Variants in ONECUT2 observed in about 807,000 individuals in gnomAD.
ONECUT2 encodes one cut homeobox 2.
Under a neutral mutation model 27.9 loss-of-function variants are expected in ONECUT2, and 10 were observed. The observed-to-expected ratio is 0.36, with a 90% CI of 0.22 to 0.61. The LOEUF is 0.61. Ranked by LOEUF, ONECUT2 falls within the 20% of genes least tolerant of loss-of-function variation. The pLI, the probability that ONECUT2 is intolerant of heterozygous loss-of-function variation, is 0.73. For missense variants in ONECUT2, 686 were observed against 721.0 expected, an observed-to-expected ratio of 0.95 and a Z score of 0.56; for synonymous variants, 334 against 315.1, an observed-to-expected ratio of 1.06 and a Z score of -0.64.
intron 1 of ONECUT2, among the ~76,000 whole-genome samples, chr18:57,444,991 A>AG (rs1265321005): frequency 2.0e-5 from 3 of 152,342 alleles, no homozygotes; most frequent in South Asian, 2.1e-4. Flanking sequence ...AATGACATGC[A>AG]GGGATAAAGA....
chr18:57,467,354 TTGTTTG>T, intron 1 of ONECUT2: 6 of 83,168 alleles, frequency 7.2e-5, no homozygotes, highest in Non-Finnish European at 1.5e-4. Flanking sequence ...GGTTTTTTTT[TTGTTTG>T]TTTGTTTGTT....
At chr18:57,457,945 G>A (rs1470836065) in intron 1 of ONECUT2, among the ~76,000 whole-genome samples, 2 of 152,124 alleles carry the variant, frequency 1.3e-5, no homozygotes, top group Non-Finnish European at 2.9e-5. Flanking sequence ...ACACAGGGCG[G>A]GGAACATCAC....
intron 1 of ONECUT2, among the ~76,000 whole-genome samples, chr18:57,468,724 A>G (rs1205959687): frequency 6.6e-6 from 1 of 152,124 alleles, no homozygotes; most frequent in Admixed American, 6.5e-5. Flanking sequence ...GCTGGCACCT[A>G]ATTATTTGCT....
At chr18:57,440,273 G>T (rs1005276827) in intron 1 of ONECUT2, among the ~76,000 whole-genome samples, 11 of 152,162 alleles carry the variant, frequency 7.2e-5, no homozygotes, top group Non-Finnish European at 1.6e-4. Flanking sequence ...ACACTCTCGG[G>T]CGTTGGGCCC....
At position 57,435,868 on chromosome 18, in the gene ONECUT2, G is replaced by A; in HGVS notation, c.152G>A (p.Gly51Asp). Residue 51 changes from glycine (G) to aspartate (D), a missense_variant, in exon 1 of 2, where the codon GGC becomes GAC. Physicochemically the swap from Gly to Asp is moderately conservative, Grantham distance 94. This residue lies in a region of ONECUT2 where 511 missense variants were observed against 488.1 expected (regional missense o/e 1.05). Transcript: ENST00000491143. The part of the protein sequence containing the change: ...GGGGGGGGGG[G>D]GGGPGHEQEL... ...GGCGGCGGCGGGGGCGGCGGGGGCG[G>A]CGGCGGGGGCCCGGGCCATGAGCAG... 1 of 1,013,764 alleles carries A rather than the reference G, an allele frequency of 9.9e-7. No homozygotes were observed. Among genetic ancestry groups the A allele is most frequent in the Non-Finnish European group, 1.2e-6 (1 of 848,784 alleles). The allele number at this position is 1,013,764 out of a possible 1,614,324, so 62.8% of individuals were successfully genotyped here.
In ONECUT2 at chr18:57,491,160, C is replaced by T. The variant is rs866949274; in HGVS notation, c.*14437C>T. The T allele has an allele frequency of 3.5e-4, 53 of 152,782 alleles. 1 individual carries two copies. In the East Asian group the frequency reaches 5.6e-3, roughly 16 times the overall value. The allele number at this position is 152,782 out of a possible 1,614,324, so 9.5% of individuals were successfully genotyped here. ...TTTCTTTGAATGTTAATTGCATTTT[C>T]AGTTTTGCTCATTTCCCACCCCAAT... On this transcript the variant is annotated 3_prime_UTR_variant, in exon 2 of 2. Transcript: ENST00000491143.
chr18:57,436,165 C>G lies in ONECUT2; in HGVS notation c.449C>G (p.Thr150Arg). Residue 150 changes from threonine (T) to arginine (R), a missense_variant, in exon 1 of 2, where the codon ACG (threonine) becomes AGG (arginine). This residue lies in a region of ONECUT2 where 511 missense variants were observed against 488.1 expected (regional missense o/e 1.05). Transcript: ENST00000491143. The surrounding 1 kb of genome is among the most constrained non-coding windows in gnomAD (Gnocchi z 5.9). Reference protein sequence around the residue: ...PGMGMSNTYTTLTPLQPLPPI... With the variant: ...PGMGMSNTYTRLTPLQPLPPI... ...ATGGGCATGAGCAACACCTACACCA[C>G]GCTGACACCGCTCCAGCCGCTGCCA... 6.2e-7 allele frequency: 1 copy of G among 1,606,204 alleles called. No homozygotes were observed. Among genetic ancestry groups the G allele is most frequent in the Non-Finnish European group, 8.5e-7 (1 of 1,179,686 alleles).
chr18:57,487,538 TG>T lies in ONECUT2; in HGVS notation c.*10817del, dbSNP rs2050444627. 1 of 152,078 alleles carries T rather than the reference TG, an allele frequency of 6.6e-6. No individual in the cohort carries two copies. The highest frequency in any genetic ancestry group is 2.4e-5 in the African/African-American group (1 of 41,410). 9.4% of individuals were successfully genotyped at this position (152,078 alleles called of 1,614,324 possible). On this transcript the variant is annotated 3_prime_UTR_variant, in exon 2 of 2. Transcript: ENST00000491143. The stretch of plus-strand genomic sequence containing the variant: ...GGTCAGCTCCCAGTAGAAACTCAAA[TG>T]GCATCAATATTACTAACTCTTCTCT...
At chr18:57,443,511 G>A (rs1182819209) in intron 1 of ONECUT2, among the ~76,000 whole-genome samples, 2 of 152,142 alleles carry the variant, frequency 1.3e-5, no homozygotes, top group Non-Finnish European at 2.9e-5. Flanking sequence ...TCACCCTGTG[G>A]GGCCCTATCA....
chr18:57,444,642 G>C (rs1214105437), intron 1 of ONECUT2, among the ~76,000 whole-genome samples: 3 of 152,244 alleles, frequency 2.0e-5, no homozygotes, highest in Non-Finnish European at 4.4e-5. Context: ...ATTTGCATTT[G>C]TCAGAGAGTA....
chr18:57,469,134 C>T (rs1324863066), intron 1 of ONECUT2, among the ~76,000 whole-genome samples: 1 of 152,224 alleles, frequency 6.6e-6, no homozygotes, highest in Non-Finnish European at 1.5e-5. Context: ...GTTAATCTTT[C>T]CAACAGAACT....
intron 1 of ONECUT2, among the ~76,000 whole-genome samples, chr18:57,439,751 G>A (rs1421853171): frequency 1.3e-5 from 2 of 152,178 alleles, no homozygotes; most frequent in Admixed American, 6.5e-5. Flanking sequence ...AGGCGGCTCG[G>A]CCGGACTCTC....
intron 1 of ONECUT2, among the ~76,000 whole-genome samples, chr18:57,474,461 G>A (rs2050370765): frequency 6.6e-6 from 1 of 152,170 alleles, no homozygotes; most frequent in Admixed American, 6.5e-5. Flanking sequence ...CTGGAGGCTG[G>A]GAAGTCTAAG....
Position 57,483,717 on chromosome 18 carries a change from A to C in ONECUT2, c.*6994A>C, listed in dbSNP as rs1197331621. 1 of 152,634 alleles carries C rather than the reference A, an allele frequency of 6.6e-6. No homozygotes were observed. The highest frequency in any genetic ancestry group is 1.5e-5 in the Non-Finnish European group (1 of 68,032). 9.5% of individuals were successfully genotyped at this position (152,634 alleles called of 1,614,324 possible). ...ACAGGTTACAAAAAGAGAATTTGGG[A>C]TATTCTTCCCTCTTAAATTAACTTT... On this transcript the variant is annotated 3_prime_UTR_variant, in exon 2 of 2. Coordinates refer to ENST00000491143, the MANE Select transcript of ONECUT2 (RefSeq NM_004852.3).
At position 57,476,936 on chromosome 18, in the gene ONECUT2, C is replaced by A; in HGVS notation, c.*213C>A. On this transcript the variant is annotated 3_prime_UTR_variant, in exon 2 of 2. Transcript: ENST00000491143. ...AATGGCTATGGAGTCCAAGTGCAAGCTGAAAAATTAATCTCTTAGAACCAG... is the reference window on the plus strand; with the variant it reads ...AATGGCTATGGAGTCCAAGTGCAAGATGAAAAATTAATCTCTTAGAACCAG... 1 of 605,288 alleles carries A rather than the reference C, an allele frequency of 1.7e-6. No homozygotes were observed. The highest frequency in any genetic ancestry group is 2.9e-6 in the Non-Finnish European group (1 of 350,210). 37.5% of individuals were successfully genotyped at this position (605,288 alleles called of 1,614,324 possible).
At position 57,483,909 on chromosome 18, in the gene ONECUT2, TATTTTTA is replaced by T. The variant is rs2050427342; in HGVS notation, c.*7191_*7197del. ...TGTGAAAGGTGCACTGTATAGTTTA[TATTTTTA>T]ATTTAAAACAACAGAGAGCACTGCA... On this transcript the variant is annotated 3_prime_UTR_variant, in exon 2 of 2. Transcript: ENST00000491143. The T allele has an allele frequency of 6.6e-6, 1 of 152,644 alleles. No homozygotes were observed. The highest frequency in any genetic ancestry group is 1.5e-5 in the Non-Finnish European group (1 of 68,028). 9.5% of individuals were successfully genotyped at this position (152,644 alleles called of 1,614,324 possible). A position where few individuals can be genotyped will look rare whatever the true frequency, so the allele number is the denominator to read the frequency against.
Position 57,477,462 on chromosome 18 carries a change from C to A in ONECUT2, c.*739C>A, listed in dbSNP as rs1445297340. Reference sequence around the variant, plus strand: ...TATGGTCTTGGATCCGTCAAAAAAACCAGTCAGTTCACTTGCGCTCAAAGT... The same window carrying A: ...TATGGTCTTGGATCCGTCAAAAAAAACAGTCAGTTCACTTGCGCTCAAAGT... On this transcript the variant is annotated 3_prime_UTR_variant, in exon 2 of 2. Transcript: ENST00000491143. 1 of 152,452 alleles carries A rather than the reference C, an allele frequency of 6.6e-6. No individual in the cohort carries two copies. The highest frequency in any genetic ancestry group is 1.9e-4 in the East Asian group (1 of 5,190). The allele number at this position is 152,452 out of a possible 1,614,324, so 9.4% of individuals were successfully genotyped here. A position where few individuals can be genotyped will look rare whatever the true frequency, so the allele number is the denominator to read the frequency against.
chr18:57,442,249 T>C (rs1437960385), intron 1 of ONECUT2, among the ~76,000 whole-genome samples: 1 of 151,494 alleles, frequency 6.6e-6, no homozygotes, highest in African/African-American at 2.4e-5. Context: ...TCTGGGTTTT[T>C]TTTTTTTTTT....
In ONECUT2 at chr18:57,483,357, T is replaced by A. The variant is rs1260410614; in HGVS notation, c.*6634T>A. On this transcript the variant is annotated 3_prime_UTR_variant, in exon 2 of 2. Coordinates refer to ENST00000491143, the MANE Select transcript of ONECUT2 (RefSeq NM_004852.3). ...TTTCCTGCTTTGTTTTTATTTAGAC[T>A]ATCAAATGAAGTTATACATGTTGTC... is the stretch of plus-strand genomic sequence containing the variant. 1 of 152,584 alleles carries A rather than the reference T, an allele frequency of 6.6e-6. No individual in the cohort carries two copies. The allele number at this position is 152,584 out of a possible 1,614,324, so 9.5% of individuals were successfully genotyped here.
Sources: gnomAD v4.1 joint callset for allele counts (sites outside exome capture counted in the v4.1 genomes callset) on GRCh38, gnomAD v4.1.1 for gene constraint, gnomAD v4.1.1 regional missense constraint, Gnocchi (gnomAD v3.1) non-coding constraint, MANE v1.5 for transcripts, NCBI Gene and HGNC (gene_info 2026-07-23, HGNC 2026-07-21) for gene names.